Variants in PRKN observed in about 807,000 individuals in gnomAD.
The protein encoded by PRKN is E3 ubiquitin-protein ligase parkin.
In PRKN, 56 loss-of-function variants were observed where a neutral mutation model predicts 59.5. That is an observed-to-expected ratio of 0.94 (90% CI 0.76 to 1.18). PRKN has a LOEUF of 1.18. PRKN is among the 50% of genes most tolerant of loss of function. PRKN has a pLI of 0.00. For synonymous variants in PRKN, 250 were observed against 222.1 expected (o/e 1.13, Z -1.12); for missense variants, 657 against 596.4 (o/e 1.10, Z -1.06).
chr6:161,808,383 G>A (rs1283784982), intron 6 of PRKN, among the ~76,000 whole-genome samples: 1 of 152,162 alleles, frequency 6.6e-6, no homozygotes, highest in African/African-American at 2.4e-5. Context: ...TAATGTAAGA[G>A]AATATAAGTT....
intron 7 of PRKN, among the ~76,000 whole-genome samples, chr6:161,731,036 G>A (rs1017861772): frequency 6.0e-5 from 9 of 150,618 alleles, no homozygotes; most frequent in African/African-American, 2.2e-4. Flanking sequence ...CTGATATCTT[G>A]CAGTCTGATA....
chr6:162,212,286 G>A (rs890124073), intron 3 of PRKN, among the ~76,000 whole-genome samples: 1 of 152,052 alleles, frequency 6.6e-6, no homozygotes, highest in African/African-American at 2.4e-5. Context: ...CCCGAGATTT[G>A]AAGCTTCTCA....
rs1016091936 is a variant in PRKN, at chr6:161,379,634, T to C, written c.1167+7160A>G. Among the ~76,000 whole-genome samples, 6 of 152,220 alleles carry C rather than the reference T, an allele frequency of 3.9e-5. No individual in the cohort carries two copies. Among genetic ancestry groups the C allele is most frequent in the Non-Finnish European group, 1.5e-5 (1 of 68,040 alleles). ...TGCTTCACCCAAAGCCTTTCTTCCT[T>C]CTGCGGGAAGCCCACATCGAAAACC... On this transcript the variant is annotated intron_variant, in intron 10 of 11. Coordinates refer to ENST00000366898, the MANE Select transcript of PRKN (RefSeq NM_004562.3). The surrounding 1 kb of genome is among the most constrained non-coding windows in gnomAD (Gnocchi z 4.9).
intron 9 of PRKN, among the ~76,000 whole-genome samples, chr6:161,455,284 G>A (rs1789915827): frequency 6.6e-6 from 1 of 152,030 alleles, no homozygotes; most frequent in African/African-American, 2.4e-5. Flanking sequence ...TGATCCACCT[G>A]CCTCGGCCTC....
chr6:161,757,527 TG>T (rs1788977858), intron 7 of PRKN, among the ~76,000 whole-genome samples: 1 of 151,956 alleles, frequency 6.6e-6, no homozygotes, highest in Admixed American at 6.6e-5. Flanking sequence ...AGTAAGAGAA[TG>T]GCAAATAAAC....
chr6:161,540,568 T>G lies in PRKN; in HGVS notation c.1083+8286A>C, dbSNP rs150967994. ...CTACAGAAATGAACTATTGTGGGCCTAATGGCTCTGATTTTTGGGTATCAC... is the reference window on the plus strand; with the variant it reads ...CTACAGAAATGAACTATTGTGGGCCGAATGGCTCTGATTTTTGGGTATCAC... On this transcript the variant is annotated intron_variant, in intron 9 of 11. Transcript: ENST00000366898. Among the ~76,000 whole-genome samples the G allele has an allele frequency of 6.6e-5, 10 of 152,334 alleles. No individual in the cohort carries two copies. The East Asian group carries it at 1.7e-3, about 26-fold the overall frequency.
intron 6 of PRKN, among the ~76,000 whole-genome samples, chr6:161,838,958 C>T (rs1209525245): frequency 6.6e-6 from 1 of 152,126 alleles, no homozygotes; most frequent in Non-Finnish European, 1.5e-5. Flanking sequence ...CAAGCCCCAC[C>T]CAGGAGCCAA....
At chr6:161,899,438 T>C (rs1416717593) in intron 6 of PRKN, among the ~76,000 whole-genome samples, 2 of 152,180 alleles carry the variant, frequency 1.3e-5, no homozygotes, top group Non-Finnish European at 2.9e-5. Flanking sequence ...ATGTAGGTAA[T>C]ATTTTGCAAT....
At position 161,546,785 on chromosome 6, in the gene PRKN, G is replaced by A. The variant is rs180752178; in HGVS notation, c.1083+2069C>T. 1.3e-3 allele frequency among the ~76,000 whole-genome samples: 202 copies of A among 152,132 alleles called. 1 individual carries two copies. In the Middle Eastern group the frequency reaches 0.024, roughly 18 times the overall value. ...GGATTTGGTCCTACAAGGCACTGTA[G>A]CTTCTCTCTGTTCTCTCTTTTGGAC... On this transcript the variant is annotated intron_variant, in intron 9 of 11. Coordinates refer to ENST00000366898, the MANE Select transcript of PRKN (RefSeq NM_004562.3). This position sits in a 1 kb window ranked among gnomAD's most constrained non-coding sequence, Gnocchi z 4.4.
intron 3 of PRKN, among the ~76,000 whole-genome samples, chr6:162,232,764 C>A (rs562344615): frequency 6.6e-6 from 1 of 152,052 alleles, no homozygotes; most frequent in Admixed American, 6.6e-5. Context: ...AAAAAAATCC[C>A]GCCAAGACCT....
At chr6:161,963,298 C>T (rs865888596) in intron 6 of PRKN, among the ~76,000 whole-genome samples, 4 of 152,324 alleles carry the variant, frequency 2.6e-5, no homozygotes, top group Non-Finnish European at 4.4e-5. Context: ...CTCTTCCCAG[C>T]GGGGGTTGCT....
At chr6:162,060,419 C>G (rs921622197) in intron 4 of PRKN, among the ~76,000 whole-genome samples, 4 of 152,124 alleles carry the variant, frequency 2.6e-5, no homozygotes, top group Non-Finnish European at 5.9e-5. Context: ...AAGCGTGAAG[C>G]AAATATTACC....
At chr6:161,992,030 G>A (rs1446740503) in intron 5 of PRKN, among the ~76,000 whole-genome samples, 2 of 151,908 alleles carry the variant, frequency 1.3e-5, no homozygotes, top group African/African-American at 4.8e-5. Flanking sequence ...CAGATTACAA[G>A]TCAAAAAATC....
At chr6:161,424,288 G>C (rs1365168779) in intron 9 of PRKN, among the ~76,000 whole-genome samples, 1 of 144,714 alleles carries the variant, frequency 6.9e-6, no homozygotes, top group Non-Finnish European at 1.5e-5. Context: ...AGTGAGCCGA[G>C]ATCATACCAC....
chr6:161,729,228 T>A (rs1787575380), intron 7 of PRKN, among the ~76,000 whole-genome samples: 1 of 152,180 alleles, frequency 6.6e-6, no homozygotes, highest in Non-Finnish European at 1.5e-5. Context: ...CTCTCCTATA[T>A]GCTTAGACAC....
intron 1 of PRKN, among the ~76,000 whole-genome samples, chr6:162,616,353 GTCAA>G (rs1295583227): frequency 1.3e-5 from 2 of 151,976 alleles, no homozygotes; most frequent in African/African-American, 2.4e-5. Context: ...ACAATATTAA[GTCAA>G]TCAATCCTTG....
At chr6:162,143,962 A>G (rs1229736771) in intron 4 of PRKN, among the ~76,000 whole-genome samples, 1 of 152,260 alleles carries the variant, frequency 6.6e-6, no homozygotes, top group African/African-American at 2.4e-5. Context: ...AATTTCATAC[A>G]GAACGGATGG....
chr6:161,724,579 A>G (rs946221543), intron 7 of PRKN, among the ~76,000 whole-genome samples: 1 of 152,232 alleles, frequency 6.6e-6, no homozygotes, highest in African/African-American at 2.4e-5. Flanking sequence ...GCCATCTAAT[A>G]TCATTTAGTT....
intron 7 of PRKN, among the ~76,000 whole-genome samples, chr6:161,663,092 C>T (rs1019359526): frequency 2.6e-5 from 4 of 152,304 alleles, no homozygotes; most frequent in East Asian, 1.9e-4. Flanking sequence ...TCTTGCCTGC[C>T]GCCATGGAAG....
Sources: allele counts gnomAD v4.1 joint callset (sites outside exome capture counted in the v4.1 genomes callset), GRCh38; gene constraint gnomAD v4.1.1; non-coding constraint Gnocchi (gnomAD v3.1); transcripts MANE v1.5; gene names NCBI Gene and HGNC (gene_info 2026-07-23, HGNC 2026-07-21).